The following CADM2 variants were observed in gnomAD, a reference collection of about 807,000 sequenced individuals.
CADM2 encodes cell adhesion molecule 2.
A neutral mutation model predicts 49.8 loss-of-function variants in CADM2; 12 were observed. The ratio of observed to expected loss-of-function variants is 0.24; its 90% CI spans 0.15 to 0.39. CADM2 has a LOEUF of 0.39. Among genes scored for constraint, CADM2 ranks in the 10% least tolerant of loss-of-function variants. The probability of loss-of-function intolerance (pLI) is 1.00; values close to 1 mark genes in which losing one functional copy is unlikely to be tolerated. For missense variants in CADM2, 378 were observed against 492.3 expected (o/e 0.77, Z 2.20); for synonymous variants, 214 against 175.4 (o/e 1.22, Z -1.74).
intron 3 of CADM2, among the ~76,000 whole-genome samples, chr3:85,870,262 CT>C (rs1174916298): frequency 1.3e-5 from 2 of 150,272 alleles, no homozygotes; most frequent in East Asian, 3.9e-4. Context: ...TTTTTTTTAA[CT>C]TTTACTTTAG....
At chr3:85,552,606 T>G (rs1191877907) in intron 1 of CADM2, among the ~76,000 whole-genome samples, 2 of 151,918 alleles carry the variant, frequency 1.3e-5, no homozygotes, top group East Asian at 3.9e-4. Context: ...GGTCTTGATC[T>G]CCTGACCTTG....
intron 1 of CADM2, among the ~76,000 whole-genome samples, chr3:85,682,051 A>G (rs1373639359): frequency 6.6e-6 from 1 of 152,094 alleles, no homozygotes; most frequent in Non-Finnish European, 1.5e-5. Flanking sequence ...TCACAGCTTC[A>G]TTTGTCATGT....
intron 1 of CADM2, among the ~76,000 whole-genome samples, chr3:85,580,695 G>C (rs1188483491): frequency 6.6e-6 from 1 of 152,060 alleles, no homozygotes; most frequent in African/African-American, 2.4e-5. Flanking sequence ...TTTGTCAAGT[G>C]AATTTCCTGA....
chr3:85,517,657 G>A (rs956568328), intron 1 of CADM2, among the ~76,000 whole-genome samples: 3 of 152,124 alleles, frequency 2.0e-5, no homozygotes, highest in Non-Finnish European at 4.4e-5. Flanking sequence ...TATGCAGACA[G>A]TATTGAAGAT....
chr3:85,916,783 C>A (rs1718393222), intron 6 of CADM2, among the ~76,000 whole-genome samples: 1 of 152,172 alleles, frequency 6.6e-6, no homozygotes, highest in East Asian at 1.9e-4. Flanking sequence ...TTTACAGTCC[C>A]ACCAACAGTG....
At chr3:85,573,513 G>A (rs12494446) in intron 1 of CADM2, among the ~76,000 whole-genome samples, 81,377 of 152,002 alleles carry the variant, frequency 0.54, 24,881 homozygotes, top group East Asian at 0.93. Flanking sequence ...ATATATAAAA[G>A]TGTGTGCTTC....
At chr3:84,995,282 A>G (rs2033117547) in intron 1 of CADM2, among the ~76,000 whole-genome samples, 1 of 152,164 alleles carries the variant, frequency 6.6e-6, no homozygotes, top group South Asian at 2.1e-4. Context: ...TGGCAGGTAC[A>G]TTTGTTAACC....
At chr3:85,719,070 G>A (rs1338021220) in intron 1 of CADM2, among the ~76,000 whole-genome samples, 2 of 151,656 alleles carry the variant, frequency 1.3e-5, no homozygotes, top group African/African-American at 2.4e-5. Context: ...CCGCCACCAC[G>A]CCTGGCTAAT....
chr3:85,372,453 G>GTC (rs2033316980), intron 1 of CADM2, among the ~76,000 whole-genome samples: 4 of 150,610 alleles, frequency 2.7e-5, no homozygotes, highest in Non-Finnish European at 5.9e-5. Context: ...GTGTATATAT[G>GTC]TATATATATG....
intron 1 of CADM2, among the ~76,000 whole-genome samples, chr3:85,171,809 C>T (rs1366762271): frequency 7.9e-5 from 12 of 152,040 alleles, no homozygotes; most frequent in South Asian, 2.1e-4. Flanking sequence ...TCAAATAAAA[C>T]AATTTACATA....
At chr3:85,279,750 C>T (rs1032450375) in intron 1 of CADM2, among the ~76,000 whole-genome samples, 1 of 151,396 alleles carries the variant, frequency 6.6e-6, no homozygotes, top group Admixed American at 6.6e-5. Flanking sequence ...GGTATTCTCA[C>T]CAATAATGTT....
chr3:85,767,815 T>C (rs1458966444), intron 2 of CADM2, among the ~76,000 whole-genome samples: 1 of 152,178 alleles, frequency 6.6e-6, no homozygotes, highest in East Asian at 1.9e-4. Flanking sequence ...CCAGAAGTGC[T>C]CATCAGAAAT....
At chr3:85,732,692 G>A (rs2067982877) in intron 2 of CADM2, among the ~76,000 whole-genome samples, 1 of 152,186 alleles carries the variant, frequency 6.6e-6, no homozygotes, top group Admixed American at 6.5e-5. Context: ...TACCATGTGT[G>A]AGACATTGTG....
chr3:85,785,846 A>T (rs190591011), intron 2 of CADM2, among the ~76,000 whole-genome samples: 3 of 152,200 alleles, frequency 2.0e-5, no homozygotes, highest in Admixed American at 6.5e-5. Flanking sequence ...AATACTGATA[A>T]TTTATTATGC....
At chr3:85,222,533 T>A (rs2042065435) in intron 1 of CADM2, among the ~76,000 whole-genome samples, 1 of 152,198 alleles carries the variant, frequency 6.6e-6, no homozygotes. Flanking sequence ...CTCCTTCTAT[T>A]GGCTTTCACC....
Position 85,886,059 on chromosome 3 carries a change from T to A in CADM2, c.392-131T>A, listed in dbSNP as rs1713611339. The A allele has an allele frequency of 2.3e-6, 3 of 1,326,068 alleles. No individual in the cohort carries two copies. The East Asian group carries it at 7.5e-5, about 33-fold the overall frequency. The allele number at this position is 1,326,068 out of a possible 1,614,324, so 82.1% of individuals were successfully genotyped here. On this transcript the variant is annotated intron_variant, in intron 4 of 9. Transcript: ENST00000383699. Reference sequence around the variant, plus strand: ...ACATATGAAGCAGTTTATTACATAGTAGTTTGTTCATCTTGATCGAACTTC... The same window carrying A: ...ACATATGAAGCAGTTTATTACATAGAAGTTTGTTCATCTTGATCGAACTTC...
intron 8 of CADM2, among the ~76,000 whole-genome samples, chr3:86,043,830 A>C (rs200645513): frequency 3.3e-5 from 5 of 152,088 alleles, no homozygotes; most frequent in African/African-American, 1.2e-4. Context: ...GCTACAGTAA[A>C]CAAAACAGCA....
chr3:85,483,839 A>C (rs979569764), intron 1 of CADM2, among the ~76,000 whole-genome samples: 11 of 151,650 alleles, frequency 7.3e-5, no homozygotes, highest in Non-Finnish European at 1.5e-4. Flanking sequence ...TTCTTGAATT[A>C]CTATTTTGTA....
intron 1 of CADM2, among the ~76,000 whole-genome samples, chr3:85,232,945 A>G (rs1046897092): frequency 6.6e-6 from 1 of 152,200 alleles, no homozygotes; most frequent in Non-Finnish European, 1.5e-5. Flanking sequence ...CTACATGCTA[A>G]TATTTATAGT....
Sources: gnomAD v4.1 joint callset for allele counts (sites outside exome capture counted in the v4.1 genomes callset) on GRCh38, gnomAD v4.1.1 for gene constraint, MANE v1.5 for transcripts, NCBI Gene and HGNC (gene_info 2026-07-23, HGNC 2026-07-21) for gene names.